The following RAMP3 variants were observed in gnomAD, a reference collection of about 807,000 sequenced individuals.
RAMP3 encodes the protein receptor activity modifying protein 3, also known as receptor activity-modifying protein 3.
Under a neutral mutation model 13.5 loss-of-function variants are expected in RAMP3, and 14 were observed. The observed-to-expected ratio is 1.04, with a 90% CI of 0.69 to 1.63. The LOEUF is 1.63. Ranked by LOEUF, RAMP3 falls within the 40% of genes most tolerant of loss-of-function variation. The pLI is 0.00. For missense variants in RAMP3, 200 were observed against 204.8 expected (o/e 0.98, Z 0.14); for synonymous variants, 106 against 88.3 (o/e 1.20, Z -1.12).
intron 1 of RAMP3, among the ~76,000 whole-genome samples, chr7:45,171,640 T>C (rs1010973553): frequency 6.6e-6 from 1 of 152,216 alleles, no homozygotes; most frequent in Non-Finnish European, 1.5e-5. Flanking sequence ...AAGGTCTTGC[T>C]CTGTCACCCG....
At chr7:45,162,167 G>A (rs112284421) in intron 1 of RAMP3, among the ~76,000 whole-genome samples, 211 of 152,338 alleles carry the variant, frequency 1.4e-3, no homozygotes, top group African/African-American at 4.9e-3. Flanking sequence ...GGGTGGCAGA[G>A]GGAGGCCTTG....
Position 45,183,802 on chromosome 7 carries a change from A to G in RAMP3, c.*390A>G, listed in dbSNP as rs142213266. On this transcript the variant is annotated 3_prime_UTR_variant, in exon 3 of 3. Transcript: ENST00000242249. ...TAGCCGCAGTCTAGGCCCTGCTTGG[A>G]CTAGGACTCCTTGCTTGACCCCATC... 219 of 488,284 alleles carry G rather than the reference A, an allele frequency of 4.5e-4. No individual in the cohort carries two copies. The highest frequency in any genetic ancestry group is 3.8e-3 in the African/African-American group (202 of 52,592). 30.2% of individuals were successfully genotyped at this position (488,284 alleles called of 1,614,324 possible).
intron 1 of RAMP3, among the ~76,000 whole-genome samples, chr7:45,172,378 G>T (rs1383646057): frequency 6.6e-6 from 1 of 152,234 alleles, no homozygotes; most frequent in Non-Finnish European, 1.5e-5. Flanking sequence ...TTCTTCCCGA[G>T]ATGTGGTAGA....
At chr7:45,158,567 AAGAGAGAG>A (rs71030853) in intron 1 of RAMP3, among the ~76,000 whole-genome samples, 3 of 150,526 alleles carry the variant, frequency 2.0e-5, no homozygotes, top group Admixed American at 6.6e-5. Flanking sequence ...AAGAAAAAGT[AAGAGAGAG>A]AGAGAGAGAG....
At position 45,183,254 on chromosome 7, in the gene RAMP3, C is replaced by A. The variant is rs1365529006; in HGVS notation, c.289C>A (p.His97Asn). ...GGCCCAGGGCTTCATCACCGGCATCCACAGGCAGTTCTTCTCCAACTGCAC... is the reference window on the plus strand; with the variant it reads ...GGCCCAGGGCTTCATCACCGGCATCAACAGGCAGTTCTTCTCCAACTGCAC... ...PLAQGFITGI[H>N]RQFFSNCTVD... is the part of the protein sequence containing the mutation. The change falls in exon 3 of 3, where the codon CAC (histidine) becomes AAC (asparagine). Residue 97 changes from histidine (H) to asparagine (N), a missense_variant. Transcript: ENST00000242249. 3 of 1,613,940 alleles carry A rather than the reference C, an allele frequency of 1.9e-6. No individual in the cohort carries two copies. In the East Asian group the frequency reaches 6.7e-5, roughly 36 times the overall value.
intron 2 of RAMP3, among the ~76,000 whole-genome samples, chr7:45,180,821 T>A (rs73115775): frequency 0.053 from 8,035 of 152,304 alleles, 239 homozygotes; most frequent in Middle Eastern, 0.11. Flanking sequence ...GTGGTGCATC[T>A]TTTTTAGGGA....
chr7:45,163,212 A>G, intron 1 of RAMP3: 1 of 985,298 alleles, frequency 1.0e-6, no homozygotes, highest in Non-Finnish European at 1.2e-6. Context: ...GGTCTGTCCT[A>G]TCTCTGGTGG....
chr7:45,175,689 G>A (rs1786168223), intron 1 of RAMP3, among the ~76,000 whole-genome samples: 1 of 152,194 alleles, frequency 6.6e-6, no homozygotes, highest in Non-Finnish European at 1.5e-5. Context: ...ATGTGCTCCA[G>A]GTGTTCTGCT....
At chr7:45,161,115 G>A (rs933735213) in intron 1 of RAMP3, among the ~76,000 whole-genome samples, 1 of 148,190 alleles carries the variant, frequency 6.7e-6, no homozygotes, top group Non-Finnish European at 1.5e-5. Flanking sequence ...GTCCTCAAAG[G>A]CACATTTACA....
At chr7:45,179,921 G>A (rs1444457626) in intron 2 of RAMP3, among the ~76,000 whole-genome samples, 1 of 152,214 alleles carries the variant, frequency 6.6e-6, no homozygotes, top group Non-Finnish European at 1.5e-5. Flanking sequence ...GGGATCAGAG[G>A]CCTTCAGGCT....
chr7:45,158,162 G>T (rs1785795944), intron 1 of RAMP3, among the ~76,000 whole-genome samples: 1 of 152,228 alleles, frequency 6.6e-6, no homozygotes, highest in South Asian at 2.1e-4. Context: ...CCTTCTAGTT[G>T]TGATGTCCCC....
chr7:45,176,300 CG>C (rs1293488102), intron 1 of RAMP3, among the ~76,000 whole-genome samples: 1 of 152,034 alleles, frequency 6.6e-6, no homozygotes, highest in Admixed American at 6.5e-5. Flanking sequence ...CACCAGCCGC[CG>C]GAACACAGAT....
rs768560939 is a variant in RAMP3 at position 45,157,835 on chromosome 7, A to G, written c.7A>G (p.Thr3Ala). The change falls in exon 1 of 3, where the codon ACT (threonine) becomes GCT (alanine). Residue 3 changes from threonine (T) to alanine (A), a missense_variant. Coordinates refer to ENST00000242249, the MANE Select transcript of RAMP3 (RefSeq NM_005856.3). ...CAGCTGCGGCCGGCCAGCCATGGAG[A>G]CTGGAGCGCTGCGGCGCCCGCAACT... METGALRRPQLLP... is the reference protein window; with the variant it reads MEAGALRRPQLLP... 2.1e-6 allele frequency: 3 copies of G among 1,424,198 alleles called. No individual in the cohort carries two copies. The highest frequency in any genetic ancestry group is 3.0e-5 in the African/African-American group (2 of 66,546). The allele number at this position is 1,424,198 out of a possible 1,614,324, so 88.2% of individuals were successfully genotyped here. A position where few individuals can be genotyped will look rare whatever the true frequency, so the allele number is the denominator to read the frequency against.
At chr7:45,160,447 C>T (rs1247658956) in intron 1 of RAMP3, among the ~76,000 whole-genome samples, 2 of 148,762 alleles carry the variant, frequency 1.3e-5, no homozygotes, top group African/African-American at 2.5e-5. Context: ...GTTATCTGAC[C>T]TCCATGCTCT....
intron 1 of RAMP3, among the ~76,000 whole-genome samples, chr7:45,171,134 T>C (rs1198308208): frequency 1.3e-4 from 20 of 152,014 alleles, no homozygotes; most frequent in Admixed American, 1.3e-3. Flanking sequence ...TTCCCCAAAT[T>C]CTTTCCATCT....
rs763340102 is a variant in RAMP3 at position 45,183,303 on chromosome 7, A to AC, written c.344dup (p.Asp116ArgfsTer83). The AC allele has an allele frequency of 1.1e-5, 17 of 1,613,590 alleles. No homozygotes were observed. The highest frequency in any genetic ancestry group is 1.7e-5 in the Admixed American group (1 of 59,998). On this transcript the variant is annotated frameshift_variant, in exon 3 of 3. Coordinates refer to ENST00000242249, the MANE Select transcript of RAMP3 (RefSeq NM_005856.3). LOFTEE classifies it high-confidence loss of function. ...ACCGTGGACAGGGTCCACTTGGAGG[A>AC]CCCCCCAGACGAGGTTCTCATCCCG...
chr7:45,177,965 G>T (rs949096094), intron 2 of RAMP3, among the ~76,000 whole-genome samples: 4 of 151,328 alleles, frequency 2.6e-5, no homozygotes, highest in Admixed American at 6.6e-5. Context: ...TGCCTGGAGG[G>T]TGCCCTGCCC....
At chr7:45,164,438 G>T (rs1324081641) in intron 1 of RAMP3, among the ~76,000 whole-genome samples, 1 of 152,180 alleles carries the variant, frequency 6.6e-6, no homozygotes, top group Non-Finnish European at 1.5e-5. Context: ...AGGAGGCTGG[G>T]GTGGGAGGAT....
At position 45,183,369 on chromosome 7, in the gene RAMP3, G is replaced by T. The variant is rs144011541; in HGVS notation, c.404G>T (p.Gly135Val). The T allele has an allele frequency of 6.8e-6, 11 of 1,613,570 alleles. No homozygotes were observed. The African/African-American group carries it at 1.1e-4, about 16-fold the overall frequency. ...IPVVLTVAMA[G>V]LVVWRSKRTD... ...GTCGTTCTGACTGTCGCCATGGCTG[G>T]CCTGGTGGTGTGGCGCAGCAAACGC... is the stretch of plus-strand genomic sequence containing the variant. The change falls in exon 3 of 3, where the codon GGC (glycine) becomes GTC (valine). Residue 135 changes from glycine (G) to valine (V), a missense_variant. Physicochemically the swap from Gly to Val is moderately radical, Grantham distance 109 (BLOSUM62 -3). Coordinates refer to ENST00000242249, the MANE Select transcript of RAMP3 (RefSeq NM_005856.3).
Sources: allele counts gnomAD v4.1 joint callset (sites outside exome capture counted in the v4.1 genomes callset), GRCh38; gene constraint gnomAD v4.1.1; transcripts MANE v1.5; gene names NCBI Gene and HGNC (gene_info 2026-07-23, HGNC 2026-07-21).